Variants in UBE3B observed in about 807,000 individuals in gnomAD.
UBE3B encodes ubiquitin-protein ligase E3B.
UBE3B carries 80 observed loss-of-function variants against 132.3 expected under a neutral mutation model. The observed-to-expected ratio is 0.60, with a 90% CI of 0.50 to 0.73. The LOEUF (loss-of-function observed/expected upper bound fraction) is 0.73. Among genes scored for constraint, UBE3B ranks in the 30% least tolerant of loss-of-function variants. The pLI is 0.00. For synonymous variants in UBE3B, 487 were observed against 520.4 expected (o/e 0.94, Z 0.87); for missense variants, 1,196 against 1,362.5 (o/e 0.88, Z 1.92).
intron 9 of UBE3B, among the ~76,000 whole-genome samples, chr12:109,493,332 TC>T (rs1877731294): frequency 6.6e-6 from 1 of 152,034 alleles, no homozygotes. Context: ...CAGCTCTGCC[TC>T]CCCCTCCACC....
chr12:109,533,288 A>G (rs1261456483), intron 26 of UBE3B, among the ~76,000 whole-genome samples, 178 bp from the exon 27 acceptor site: 2 of 151,870 alleles, frequency 1.3e-5, no homozygotes, highest in African/African-American at 2.4e-5. Context: ...CCCTTGAGAG[A>G]GATGTACGGC....
intron 24 of UBE3B, chr12:109,528,504 G>A (rs184861651): frequency 2.0e-6 from 2 of 984,956 alleles, no homozygotes; most frequent in African/African-American, 1.7e-5. Flanking sequence ...GGACTCTACT[G>A]ATTTGGAATT....
At chr12:109,529,307 C>T (rs774553326) in intron 24 of UBE3B, among the ~76,000 whole-genome samples, 4 of 152,198 alleles carry the variant, frequency 2.6e-5, no homozygotes, top group Non-Finnish European at 5.9e-5. Context: ...AGACCCTCTG[C>T]TTGGAACCAT....
chr12:109,526,623 A>G (rs1388335947), intron 24 of UBE3B, among the ~76,000 whole-genome samples: 1 of 152,214 alleles, frequency 6.6e-6, no homozygotes, highest in African/African-American at 2.4e-5. Context: ...CTATAATCCC[A>G]GCACTTTGTT....
At chr12:109,497,738 T>G (rs1592908793) in intron 9 of UBE3B, 80 bp from the exon 10 acceptor site, 1 of 1,377,616 alleles carries the variant, frequency 7.3e-7, no homozygotes, top group Non-Finnish European at 1.0e-6. Context: ...TCTAGGAATT[T>G]GAGCACGTTG....
chr12:109,513,445 ACAAAAT>A (rs1422014230), intron 18 of UBE3B, among the ~76,000 whole-genome samples: 2 of 152,218 alleles, frequency 1.3e-5, no homozygotes, highest in Admixed American at 1.3e-4. Flanking sequence ...GCTTGTAAGA[ACAAAAT>A]AAAAATATTT....
At position 109,534,897 on chromosome 12, in the gene UBE3B, CCT is replaced by C. The variant is rs544219741; in HGVS notation, c.*120_*121del. 5.3e-5 allele frequency: 47 copies of C among 881,564 alleles called. No homozygotes were observed. In the East Asian group the frequency reaches 1.3e-3, roughly 24 times the overall value. 54.6% of individuals were successfully genotyped at this position (881,564 alleles called of 1,614,324 possible). A position where few individuals can be genotyped will look rare whatever the true frequency, so the allele number is the denominator to read the frequency against. ...TGCCAGGTGACATTGGCCCCTAGAC[CCT>C]CTCTATAGCCATGAGACTCCTTGTG... On this transcript the variant is annotated 3_prime_UTR_variant, in exon 28 of 28. Transcript: ENST00000342494. The surrounding 1 kb of genome is among the most constrained non-coding windows in gnomAD (Gnocchi z 5.2).
intron 18 of UBE3B, among the ~76,000 whole-genome samples, chr12:109,514,820 C>A (rs946531510): frequency 9.2e-5 from 14 of 152,012 alleles, no homozygotes; most frequent in Admixed American, 3.3e-4. Context: ...ACTCAGAGCA[C>A]GTCAGTCCTG....
In UBE3B at chr12:109,498,273, T is replaced by G. The variant is rs767374794; in HGVS notation, c.860T>G (p.Phe287Cys). 2.5e-6 allele frequency: 4 copies of G among 1,614,048 alleles called. No individual in the cohort carries two copies. The Admixed American group carries it at 6.7e-5, about 27-fold the overall frequency. ...GAATCCCATGACATGCTTCGTAAAT[T>G]CATCATATTTTTAAGAGACCAAGAT... ...VLESHDMLRK[F>C]IIFLRDQDRC... The change falls in exon 11 of 28, where the codon TTC becomes TGC. Residue 287 changes from phenylalanine to cysteine, a missense_variant. By Grantham distance (205) the Phe-to-Cys change is radical. Transcript: ENST00000342494.
At chr12:109,547,519 G>A in the UBE3B span, among the ~76,000 whole-genome samples, 98 of 152,358 alleles carry the variant, frequency 6.4e-4, no homozygotes, top group South Asian at 3.7e-3. This position sits in a 1 kb window ranked among gnomAD's most constrained non-coding sequence, Gnocchi z 4.1. Context: ...GCCGATGCCC[G>A]CTCCTCGAGG....
At chr12:109,515,999 CAGT>C (rs975425869) in intron 18 of UBE3B, among the ~76,000 whole-genome samples, 1 of 152,010 alleles carries the variant, frequency 6.6e-6, no homozygotes, top group Non-Finnish European at 1.5e-5. Flanking sequence ...AATTTTCTGA[CAGT>C]AGGAAAAGTT....
intron 9 of UBE3B, 57 bp downstream of exon 9, chr12:109,491,184 G>T: frequency 6.4e-7 from 1 of 1,550,700 alleles, no homozygotes; most frequent in Non-Finnish European, 8.9e-7. Context: ...TCCTCCTCTT[G>T]GTTTTTCTTT....
intron 12 of UBE3B, among the ~76,000 whole-genome samples, chr12:109,500,777 G>A (rs1170331980): frequency 6.6e-6 from 1 of 152,182 alleles, no homozygotes; most frequent in Non-Finnish European, 1.5e-5. Context: ...GGGCTTTCTA[G>A]AAAGATTGAA....
chr12:109,524,038 C>T lies in UBE3B; in HGVS notation c.2425C>T (p.His809Tyr), dbSNP rs772988554. ...FFLSQLLGHH[H>Y]SVFYSSVDEL... ...CCTGAGCCAACTGCTTGGGCACCACCACAGCGTCTTCTATAGCTCGGTGGA... is the reference window on the plus strand; with the variant it reads ...CCTGAGCCAACTGCTTGGGCACCACTACAGCGTCTTCTATAGCTCGGTGGA... The change falls in exon 22 of 28, where the codon CAC (histidine) becomes TAC (tyrosine). Residue 809 changes from histidine (H) to tyrosine (Y), a missense_variant. Transcript: ENST00000342494. 1 of 1,614,198 alleles carries T rather than the reference C, an allele frequency of 6.2e-7. No individual in the cohort carries two copies. Among genetic ancestry groups the T allele is most frequent in the Admixed American group, 1.7e-5 (1 of 60,032 alleles).
intron 13 of UBE3B, among the ~76,000 whole-genome samples, chr12:109,502,417 C>G (rs1402768960): frequency 6.6e-6 from 1 of 152,154 alleles, no homozygotes; most frequent in African/African-American, 2.4e-5. Flanking sequence ...ATGGAAAGGC[C>G]ACTAATGCAT....
intron 8 of UBE3B, 57 bp downstream of exon 8, chr12:109,490,061 G>T (rs750701232): frequency 7.1e-6 from 11 of 1,538,960 alleles, no homozygotes; most frequent in Admixed American, 3.3e-5. Flanking sequence ...ACCTGCACTT[G>T]GATTTTTACA....
At chr12:109,514,552 C>T (rs1592941412) in intron 18 of UBE3B, among the ~76,000 whole-genome samples, 1 of 152,202 alleles carries the variant, frequency 6.6e-6, no homozygotes, top group African/African-American at 2.4e-5. Flanking sequence ...AGATGTAACT[C>T]GCCTTCCGCC....
chr12:109,500,543 A>C (rs1353442292), intron 12 of UBE3B, among the ~76,000 whole-genome samples: 2 of 152,180 alleles, frequency 1.3e-5, no homozygotes, highest in Non-Finnish European at 2.9e-5. Context: ...AAAAAGACTC[A>C]TTGCTAGGGA....
intron 14 of UBE3B, among the ~76,000 whole-genome samples, chr12:109,506,752 C>G (rs1344129349): frequency 6.6e-6 from 1 of 152,192 alleles, no homozygotes; most frequent in African/African-American, 2.4e-5. Flanking sequence ...CCTGAGGATG[C>G]CTCCATATTT....
Sources: allele counts gnomAD v4.1 joint callset (sites outside exome capture counted in the v4.1 genomes callset), GRCh38; gene constraint gnomAD v4.1.1; non-coding constraint Gnocchi (gnomAD v3.1); transcripts MANE v1.5; gene names NCBI Gene and HGNC (gene_info 2026-07-23, HGNC 2026-07-21).